Variants in MYH15 observed in about 807,000 individuals in gnomAD.
The protein encoded by MYH15 is myosin-15.
MYH15 carries 227 observed loss-of-function variants against 240.5 expected under a neutral mutation model. That is an observed-to-expected ratio of 0.94 (90% confidence interval 0.85 to 1.05). The LOEUF is 1.05. Ranked by LOEUF, MYH15 falls within the 50% of genes least tolerant of loss-of-function variation. The pLI is 0.00. For synonymous variants in MYH15, 785 were observed against 796.7 expected (o/e 0.99, Z 0.25); for missense variants, 2,217 against 2,247.5 (o/e 0.99, Z 0.27).
the MYH15 span, among the ~76,000 whole-genome samples, chr3:108,548,840 C>T: frequency 6.6e-6 from 1 of 152,080 alleles, no homozygotes; most frequent in Non-Finnish European, 1.5e-5. Flanking sequence ...AGTGCTAACT[C>T]ATGACAGAAT....
chr3:108,486,337 G>T, intron 10 of MYH15, 86 bp downstream of exon 10: 1 of 1,089,708 alleles, frequency 9.2e-7, no homozygotes, highest in Non-Finnish European at 1.3e-6. Context: ...CACTTCTCTG[G>T]GTCCCTAAGA....
chr3:108,387,660 G>A (rs1374896589), intron 38 of MYH15, among the ~76,000 whole-genome samples: 1 of 152,112 alleles, frequency 6.6e-6, no homozygotes, highest in African/African-American at 2.4e-5. Flanking sequence ...CATCAACATG[G>A]GTGGCTTCTC....
rs766510245 is a variant in MYH15, at chr3:108,383,743, A to AAT, written c.5632-15_5632-14insAT. 7.8e-6 allele frequency: 12 copies of AAT among 1,530,062 alleles called. No homozygotes were observed. Among genetic ancestry groups the AAT allele is most frequent in the Non-Finnish European group, 1.0e-5 (12 of 1,145,636 alleles). 94.8% of individuals were successfully genotyped at this position (1,530,062 alleles called of 1,614,324 possible). ...GGCTTGTGTTTCCTATAAAAATAAAAAAAAAAAAAAAGAAATCTCCATGCC... is the reference window on the plus strand; with the variant it reads ...GGCTTGTGTTTCCTATAAAAATAAAAATAAAAAAAAAAAGAAATCTCCATGCC... On this transcript the variant is annotated splice_polypyrimidine_tract_variant and intron_variant, in intron 39 of 40. Coordinates refer to ENST00000693548, the MANE Select transcript of MYH15 (RefSeq NM_014981.3).
Position 108,492,588 on chromosome 3 carries a change from A to G in MYH15, c.783T>C (p.Leu261=). The G allele has an allele frequency of 6.2e-7, 1 of 1,611,500 alleles. No individual in the cohort carries two copies. The highest frequency in any genetic ancestry group is 8.5e-7 in the Non-Finnish European group (1 of 1,177,968). Residue 261 remains leucine, a synonymous_variant, in exon 9 of 41, where the codon CTT becomes CTC. Coordinates refer to ENST00000693548, the MANE Select transcript of MYH15 (RefSeq NM_014981.3). ...GCTGGAAAATCACCCTGGACTTTTC[A>G]AGCAAATCTGGATGATGAGAAATGA... ...LSSVDIDIYL[L]EKSRVIFQQA...
chr3:108,421,183 T>G lies in MYH15; in HGVS notation c.3734A>C (p.Glu1245Ala). ...TGCAGTTGCTTCATGCAAGCGCTCT[T>G]CATATAGAGTACAGAGTTTCTCAGC... ...ANAEKLCTLY[E>A]ERLHEATAKL... The change falls in exon 28 of 41, where the codon GAA becomes GCA. Residue 1245 changes from glutamate (E) to alanine (A), a missense_variant. By Grantham distance (107) the Glu-to-Ala change is moderately radical (BLOSUM62 -1). Transcript: ENST00000693548. 6.2e-7 allele frequency: 1 copy of G among 1,613,678 alleles called. No individual in the cohort carries two copies. The highest frequency in any genetic ancestry group is 8.5e-7 in the Non-Finnish European group (1 of 1,179,958).
chr3:108,390,184 G>A (rs4855650), intron 37 of MYH15, among the ~76,000 whole-genome samples: 36,695 of 151,836 alleles, frequency 0.24, 4,722 homozygotes, highest in Middle Eastern at 0.35. Flanking sequence ...AAACACCTTG[G>A]GGAAAAACTG....
At chr3:108,385,605 C>A (rs1261957874) in intron 38 of MYH15, among the ~76,000 whole-genome samples, 1 of 152,162 alleles carries the variant, frequency 6.6e-6, no homozygotes, top group African/African-American at 2.4e-5. Flanking sequence ...GGAATATTTC[C>A]ATATTGGAGC....
the MYH15 span, among the ~76,000 whole-genome samples, chr3:108,540,317 A>G: frequency 6.6e-6 from 1 of 152,172 alleles, no homozygotes; most frequent in Non-Finnish European, 1.5e-5. Flanking sequence ...CTGACCTACC[A>G]TGTTCCCTTT....
intron 2 of MYH15, 36 bp from the exon 3 acceptor site, chr3:108,501,891 T>G (rs1287394970): frequency 6.3e-7 from 1 of 1,595,870 alleles, no homozygotes; most frequent in Non-Finnish European, 8.6e-7. Context: ...TATATTCCCC[T>G]GTCTCCTATG....
intron 28 of MYH15, among the ~76,000 whole-genome samples, chr3:108,420,303 C>T (rs965352440): frequency 6.6e-6 from 1 of 152,276 alleles, no homozygotes; most frequent in Middle Eastern, 3.4e-3. Flanking sequence ...TATATTCTGA[C>T]AGATGGAGAC....
chr3:108,476,698 C>T (rs2083224477), intron 11 of MYH15, among the ~76,000 whole-genome samples, 183 bp from the exon 12 acceptor site: 1 of 152,100 alleles, frequency 6.6e-6, no homozygotes, highest in African/African-American at 2.4e-5. Flanking sequence ...ATTATTTCTT[C>T]GAAATACAAG....
At chr3:108,434,017 T>A (rs1328440971) in intron 25 of MYH15, among the ~76,000 whole-genome samples, 1 of 152,044 alleles carries the variant, frequency 6.6e-6, no homozygotes, top group Non-Finnish European at 1.5e-5. Flanking sequence ...TGATAGAATA[T>A]CACATACATT....
At chr3:108,450,722 C>T (rs2082965417) in intron 21 of MYH15, among the ~76,000 whole-genome samples, 1 of 152,132 alleles carries the variant, frequency 6.6e-6, no homozygotes, top group African/African-American at 2.4e-5. Flanking sequence ...CAAAAGATAA[C>T]TTTGTAAGGT....
intron 5 of MYH15, 99 bp from the exon 6 acceptor site, chr3:108,498,244 G>T: frequency 9.9e-7 from 1 of 1,009,664 alleles, no homozygotes; most frequent in South Asian, 1.4e-5. Context: ...AAGCAGGGAA[G>T]CTTTTACATA....
In MYH15 at chr3:108,408,382, G is replaced by A. The variant is rs1560328345; in HGVS notation, c.4518C>T (p.Asn1506=). 2 of 1,610,760 alleles carry A rather than the reference G, an allele frequency of 1.2e-6. No individual in the cohort carries two copies. Among genetic ancestry groups the A allele is most frequent in the East Asian group, 4.5e-5 (2 of 44,786 alleles). ...NLQEEISNLT[N]QVREGTKNLT... ...AGTTCTTGGTCCCTTCTCTAACCTG[G>A]TTTGTCAGATTAGAAATCTCTTCTG... The change falls in exon 32 of 41, where the codon AAC becomes AAT. Residue 1506 remains asparagine, a synonymous_variant. Transcript: ENST00000693548.
chr3:108,435,004 T>C (rs949776197), intron 25 of MYH15, among the ~76,000 whole-genome samples: 4 of 152,238 alleles, frequency 2.6e-5, no homozygotes, highest in African/African-American at 9.6e-5. Context: ...AAATGGCCAG[T>C]AAACCAAATG....
chr3:108,527,013 T>G (rs553816689), intron 1 of MYH15, among the ~76,000 whole-genome samples: 1 of 152,332 alleles, frequency 6.6e-6, no homozygotes, highest in East Asian at 1.9e-4. Flanking sequence ...CAAAAAGTTT[T>G]CTGCTTTCAG....
In MYH15 at chr3:108,440,455, G is replaced by A. The variant is rs960302860; in HGVS notation, c.2899-542C>T. 7.9e-5 allele frequency among the ~76,000 whole-genome samples: 12 copies of A among 152,160 alleles called. No homozygotes were observed. In the East Asian group the frequency reaches 1.5e-3, roughly 20 times the overall value. On this transcript the variant is annotated intron_variant, in intron 23 of 40. Coordinates refer to ENST00000693548, the MANE Select transcript of MYH15 (RefSeq NM_014981.3). ...CTACTTAATAGCCTGCCAAAATTAC[G>A]GTGTCACTTTGGAGATTGTGTATCA...
chr3:108,470,383 C>A (rs2083162326), intron 13 of MYH15, among the ~76,000 whole-genome samples, 171 bp from the exon 14 acceptor site: 1 of 152,078 alleles, frequency 6.6e-6, no homozygotes, highest in Admixed American at 6.6e-5. Context: ...ATTGTAATAT[C>A]ATTAAGTACA....
Sources: gnomAD v4.1 joint callset for allele counts (sites outside exome capture counted in the v4.1 genomes callset) on GRCh38, gnomAD v4.1.1 for gene constraint, MANE v1.5 for transcripts, NCBI Gene and HGNC (gene_info 2026-07-23, HGNC 2026-07-21) for gene names.